Variants in NAALADL2 observed in about 807,000 individuals in gnomAD.
NAALADL2 encodes the protein inactive N-acetylated-alpha-linked acidic dipeptidase-like protein 2.
Under a neutral mutation model 87.2 loss-of-function variants are expected in NAALADL2, and 76 were observed. The observed-to-expected ratio is 0.87, with a 90% CI of 0.72 to 1.05. The LOEUF is 1.05. Ranked by LOEUF, NAALADL2 falls within the 50% of genes least tolerant of loss-of-function variation. The pLI is 0.00. For missense variants in NAALADL2, 1,089 were observed against 945.8 expected (o/e 1.15, Z -1.99); for synonymous variants, 354 against 331.0 (o/e 1.07, Z -0.75).
At chr3:175,525,520 T>G (rs1001358353) in intron 9 of NAALADL2, among the ~76,000 whole-genome samples, 6 of 152,136 alleles carry the variant, frequency 3.9e-5, no homozygotes, top group African/African-American at 1.4e-4. Context: ...CTAAAAAGTT[T>G]TTTAGGCTTT....
intron 9 of NAALADL2, among the ~76,000 whole-genome samples, chr3:175,533,122 A>G (rs1734326973): frequency 6.6e-6 from 1 of 152,246 alleles, no homozygotes; most frequent in African/African-American, 2.4e-5. Context: ...GCAACATTAA[A>G]TGCAGAGTCC....
intron 1 of NAALADL2, among the ~76,000 whole-genome samples, chr3:174,946,798 C>T (rs1311488296): frequency 2.6e-5 from 4 of 152,100 alleles, no homozygotes; most frequent in African/African-American, 4.8e-5. Flanking sequence ...ACAGTTCTAA[C>T]GTGTTTAAAT....
intron 10 of NAALADL2, among the ~76,000 whole-genome samples, chr3:175,578,258 C>T (rs149014063): frequency 1.8e-4 from 27 of 152,080 alleles, no homozygotes; most frequent in South Asian, 1.5e-3. Flanking sequence ...CTTATTTCTA[C>T]GCAATAATAC....
intron 5 of NAALADL2, among the ~76,000 whole-genome samples, chr3:175,391,904 A>G (rs1373551609): frequency 3.3e-5 from 5 of 152,150 alleles, no homozygotes; most frequent in Non-Finnish European, 5.9e-5. Context: ...ATCAAAATCT[A>G]TTAAATGCTA....
intron 2 of NAALADL2, among the ~76,000 whole-genome samples, chr3:174,715,720 G>A (rs1334089253): frequency 2.0e-5 from 3 of 152,124 alleles, no homozygotes; most frequent in Non-Finnish European, 4.4e-5. Context: ...ATCCTTTAAG[G>A]ATGAATGTGT....
At chr3:174,866,392 T>A (rs1307203336) in intron 1 of NAALADL2, among the ~76,000 whole-genome samples, 1 of 151,476 alleles carries the variant, frequency 6.6e-6, no homozygotes, top group Non-Finnish European at 1.5e-5. Flanking sequence ...GCAGAAAAAA[T>A]TTCAAACCTA....
chr3:175,042,984 G>A (rs958769250), intron 1 of NAALADL2, among the ~76,000 whole-genome samples: 1 of 152,046 alleles, frequency 6.6e-6, no homozygotes, highest in African/African-American at 2.4e-5. Flanking sequence ...CTCTCTCTCT[G>A]TGTGATCTCT....
rs372791240 is a variant in NAALADL2, at chr3:175,313,888, C to T, written c.940-10287C>T. 6.3e-4 allele frequency among the ~76,000 whole-genome samples: 96 copies of T among 151,882 alleles called. No individual in the cohort carries two copies. In the East Asian group the frequency reaches 7.6e-3, roughly 12 times the overall value. ...GACCATCTTGGCCAACATGGTAAAACCATGTCTCTACTAAAAATAAAAAAC... is the reference window on the plus strand; with the variant it reads ...GACCATCTTGGCCAACATGGTAAAATCATGTCTCTACTAAAAATAAAAAAC... On this transcript the variant is annotated intron_variant, in intron 4 of 13. Transcript: ENST00000454872.
intron 1 of NAALADL2, among the ~76,000 whole-genome samples, chr3:174,977,440 T>C (rs1004838365): frequency 6.6e-6 from 1 of 152,210 alleles, no homozygotes; most frequent in African/African-American, 2.4e-5. Context: ...GTGTAACCTT[T>C]TTAAAGTGAC....
At chr3:175,652,609 G>T (rs1173493961) in intron 11 of NAALADL2, among the ~76,000 whole-genome samples, 2 of 151,332 alleles carry the variant, frequency 1.3e-5, no homozygotes, top group African/African-American at 4.9e-5. Context: ...CTCCCGAGTA[G>T]CTGGGACTAC....
intron 1 of NAALADL2, among the ~76,000 whole-genome samples, chr3:175,036,833 T>C (rs574763682): frequency 6.9e-6 from 1 of 145,250 alleles, no homozygotes; most frequent in South Asian, 2.2e-4. Flanking sequence ...TTAGCGTTCC[T>C]ATACTTGCTA....
At chr3:175,420,018 T>C (rs1317853178) in intron 5 of NAALADL2, among the ~76,000 whole-genome samples, 1 of 151,944 alleles carries the variant, frequency 6.6e-6, no homozygotes, top group East Asian at 1.9e-4. Context: ...GGAGCAGACA[T>C]CGTTGGCCTC....
chr3:174,828,722 C>T (rs1282909704), intron 3 of NAALADL2, among the ~76,000 whole-genome samples: 2 of 152,152 alleles, frequency 1.3e-5, no homozygotes. Flanking sequence ...ATGCACATCG[C>T]TCCTGAATTT....
intron 2 of NAALADL2, among the ~76,000 whole-genome samples, chr3:175,232,634 C>G (rs1581033408): frequency 1.3e-5 from 2 of 152,126 alleles, no homozygotes. Context: ...TTTGCATTGG[C>G]CCACATTCAG....
intron 5 of NAALADL2, among the ~76,000 whole-genome samples, chr3:175,357,569 A>G (rs1458305656): frequency 6.6e-6 from 1 of 152,114 alleles, no homozygotes; most frequent in Non-Finnish European, 1.5e-5. Flanking sequence ...AATTCTAGTA[A>G]TCAGCAACCA....
intron 3 of NAALADL2, among the ~76,000 whole-genome samples, chr3:174,769,980 T>C (rs1264084267): frequency 7.3e-6 from 1 of 137,442 alleles, no homozygotes; most frequent in Non-Finnish European, 1.7e-5. Flanking sequence ...AATAATACAA[T>C]ATATAATATT....
chr3:174,859,521 C>G, intron 1 of NAALADL2, 71 bp downstream of exon 1: 1 of 1,228,506 alleles, frequency 8.1e-7, no homozygotes, highest in South Asian at 1.3e-5. Flanking sequence ...ATTACAAAGT[C>G]TGTGTGTTTC....
intron 1 of NAALADL2, among the ~76,000 whole-genome samples, chr3:174,497,533 A>C (rs1472549205): frequency 6.6e-6 from 1 of 152,148 alleles, no homozygotes; most frequent in Non-Finnish European, 1.5e-5. Context: ...CCCCAGATTC[A>C]TTAGGTATAC....
At chr3:174,604,809 C>A (rs982649453) in intron 2 of NAALADL2, among the ~76,000 whole-genome samples, 1 of 150,572 alleles carries the variant, frequency 6.6e-6, no homozygotes, top group African/African-American at 2.5e-5. Context: ...CACTCTGTTG[C>A]CCAGGCTGGA....
Sources: allele counts gnomAD v4.1 joint callset (sites outside exome capture counted in the v4.1 genomes callset), GRCh38; gene constraint gnomAD v4.1.1; transcripts MANE v1.5; gene names NCBI Gene and HGNC (gene_info 2026-07-23, HGNC 2026-07-21).